The following STARD13 variants were observed in gnomAD, a reference collection of about 807,000 sequenced individuals.
STARD13 encodes the protein StAR related lipid transfer domain containing 13.
Under a neutral mutation model 106.4 loss-of-function variants are expected in STARD13, and 62 were observed. The observed-to-expected ratio is 0.58, with a 90% CI of 0.48 to 0.72. STARD13 has a LOEUF of 0.72. Ranked by LOEUF, STARD13 falls within the 30% of genes least tolerant of loss-of-function variation. The pLI, the probability that STARD13 is intolerant of heterozygous loss-of-function variation, is 0.00. For synonymous variants in STARD13, 565 were observed against 553.0 expected (o/e 1.02, Z -0.31); for missense variants, 1,387 against 1,424.0 (o/e 0.97, Z 0.42).
chr13:33,298,974 C>A (rs763495480), intron 1 of STARD13, among the ~76,000 whole-genome samples: 1 of 152,212 alleles, frequency 6.6e-6, no homozygotes. Context: ...AAAATACAGT[C>A]TTACACCACA....
chr13:33,558,818 TAA>T, the STARD13 span, among the ~76,000 whole-genome samples: 1 of 151,648 alleles, frequency 6.6e-6, no homozygotes, highest in Non-Finnish European at 1.5e-5. Context: ...CTCTGTCTGC[TAA>T]TATAAGGCTA....
the STARD13 span, among the ~76,000 whole-genome samples, chr13:33,434,352 C>CAAAAAAAAAAAAAAAA: frequency 1.4e-5 from 1 of 70,322 alleles, no homozygotes; most frequent in Non-Finnish European, 2.5e-5. Flanking sequence ...GACTCTGTCT[C>CAAAAAAAAAAAAAAAA]AAAAAAAAAA....
At chr13:33,632,983 GCACAGTGT>G in the STARD13 span, among the ~76,000 whole-genome samples, 4 of 152,046 alleles carry the variant, frequency 2.6e-5, no homozygotes, top group Admixed American at 6.6e-5. Flanking sequence ...CTTCAAAAGG[GCACAGTGT>G]CACTAGACCA....
intron 1 of STARD13, among the ~76,000 whole-genome samples, chr13:33,303,062 C>A (rs1892778523): frequency 6.6e-6 from 1 of 152,112 alleles, no homozygotes; most frequent in African/African-American, 2.4e-5. Flanking sequence ...AGGCTCTCTT[C>A]TCACTCCTTC....
the STARD13 span, among the ~76,000 whole-genome samples, chr13:33,595,423 T>C: frequency 6.6e-6 from 1 of 152,148 alleles, no homozygotes; most frequent in Admixed American, 6.5e-5. Context: ...ATAAGGACAG[T>C]AGGAGTTAAA....
intron 3 of STARD13, among the ~76,000 whole-genome samples, chr13:33,152,287 A>G (rs1239662171): frequency 6.6e-6 from 1 of 152,132 alleles, no homozygotes; most frequent in Non-Finnish European, 1.5e-5. Flanking sequence ...CCTGGAATTG[A>G]GATAGAATGG....
chr13:33,556,963 A>G, the STARD13 span, among the ~76,000 whole-genome samples: 11 of 152,136 alleles, frequency 7.2e-5, no homozygotes, highest in Non-Finnish European at 1.5e-5. Context: ...CAAGCATGCA[A>G]CTTTTTACCT....
chr13:33,306,075 T>C (rs1216022695), intron 1 of STARD13, among the ~76,000 whole-genome samples: 1 of 152,150 alleles, frequency 6.6e-6, no homozygotes. Flanking sequence ...GACTTCAAAC[T>C]ATACTACAAG....
At chr13:33,374,602 G>A in the STARD13 span, among the ~76,000 whole-genome samples, 10 of 152,204 alleles carry the variant, frequency 6.6e-5, no homozygotes, top group Non-Finnish European at 1.5e-4. Flanking sequence ...TTCAGGGGAT[G>A]CAAAGATAAT....
chr13:33,442,838 T>C, the STARD13 span, among the ~76,000 whole-genome samples: 10 of 152,340 alleles, frequency 6.6e-5, no homozygotes, highest in South Asian at 1.9e-3. Flanking sequence ...AATATATTAA[T>C]TGTAAAACAT....
rs576065187 is a variant in STARD13, at chr13:33,104,156, G to A, written c.*1437C>T. ...AATCTTATCAATCTCTATTATGGAT[G>A]ACCAAAGAAAATCTCTCTCCCTGAA... On this transcript the variant is annotated 3_prime_UTR_variant, in exon 14 of 14. Coordinates refer to ENST00000336934, the MANE Select transcript of STARD13 (RefSeq NM_178006.4). The A allele has an allele frequency of 6.6e-6, 1 of 152,230 alleles. No individual in the cohort carries two copies. The highest frequency in any genetic ancestry group is 2.1e-4 in the South Asian group (1 of 4,818). The allele number at this position is 152,230 out of a possible 1,614,324, so 9.4% of individuals were successfully genotyped here.
At chr13:33,560,876 TTTGAG>T in the STARD13 span, among the ~76,000 whole-genome samples, 1 of 151,590 alleles carries the variant, frequency 6.6e-6, no homozygotes, top group East Asian at 1.9e-4. Context: ...TTGTGTTTGG[TTTGAG>T]TTATTTCCAT....
chr13:33,308,054 G>T (rs1262263157), intron 1 of STARD13, among the ~76,000 whole-genome samples: 1 of 152,126 alleles, frequency 6.6e-6, no homozygotes, highest in Non-Finnish European at 1.5e-5. Context: ...TATATTTGGA[G>T]AGACAGGAGT....
At chr13:33,499,604 T>TTCCTTCTTCTTCTTCTTC in the STARD13 span, among the ~76,000 whole-genome samples, 4 of 39,902 alleles carry the variant, frequency 1.0e-4, no homozygotes, top group East Asian at 7.9e-4. Flanking sequence ...CTTCTTCTTC[T>TTCCTTCTTCTTCTTCTTC]TTCTTCTTCT....
intron 1 of STARD13, among the ~76,000 whole-genome samples, chr13:33,183,795 C>G (rs1885476150): frequency 6.6e-6 from 1 of 152,130 alleles, no homozygotes; most frequent in Admixed American, 6.5e-5. Context: ...TCAGGACCAC[C>G]CAAAATCTCC....
At chr13:33,564,849 C>T in the STARD13 span, among the ~76,000 whole-genome samples, 2 of 145,180 alleles carry the variant, frequency 1.4e-5, no homozygotes, top group South Asian at 2.2e-4. Context: ...AAAAATTAGC[C>T]GGGCATGGTG....
the STARD13 span, among the ~76,000 whole-genome samples, chr13:33,667,187 A>G: frequency 6.6e-6 from 1 of 152,220 alleles, no homozygotes; most frequent in Non-Finnish European, 1.5e-5. Context: ...ATATGATGAT[A>G]AGTGCAGACA....
chr13:33,390,643 A>G, the STARD13 span, among the ~76,000 whole-genome samples: 2 of 152,192 alleles, frequency 1.3e-5, no homozygotes, highest in South Asian at 2.1e-4. Context: ...CAGGAATGCT[A>G]TGGTCAAGTA....
chr13:33,591,671 C>T, the STARD13 span, among the ~76,000 whole-genome samples: 1 of 152,138 alleles, frequency 6.6e-6, no homozygotes, highest in South Asian at 2.1e-4. Context: ...AGGGATTCTG[C>T]TCATTTTTCT....
Sources: gnomAD v4.1 joint callset for allele counts (sites outside exome capture counted in the v4.1 genomes callset) on GRCh38, gnomAD v4.1.1 for gene constraint, MANE v1.5 for transcripts, NCBI Gene and HGNC (gene_info 2026-07-23, HGNC 2026-07-21) for gene names.